DOK6: variants seen among roughly 807,000 people sequenced by gnomAD.
DOK6 encodes the protein downstream of tyrosine kinase 6.
Under a neutral mutation model 44.0 loss-of-function variants are expected in DOK6, and 22 were observed. The observed-to-expected ratio is 0.50, with a 90% CI of 0.36 to 0.71. The LOEUF (loss-of-function observed/expected upper bound fraction) is 0.71, where lower values mean the gene tolerates loss of function less well. Ranked by LOEUF, DOK6 falls within the 30% of genes least tolerant of loss-of-function variation. The pLI, the probability that DOK6 is intolerant of heterozygous loss-of-function variation, is 0.00. For synonymous variants in DOK6, 166 were observed against 145.5 expected (o/e 1.14, Z -1.01); for missense variants, 340 against 416.4 (o/e 0.82, Z 1.60).
chr18:69,792,188 T>C (rs1410085395), intron 7 of DOK6, among the ~76,000 whole-genome samples: 1 of 152,166 alleles, frequency 6.6e-6, no homozygotes, highest in African/African-American at 2.4e-5. Flanking sequence ...AGTAATGTGA[T>C]TCTTCCAGTT....
intron 7 of DOK6, 23 bp downstream of exon 7, chr18:69,757,896 A>G: frequency 1.9e-6 from 3 of 1,591,108 alleles, no homozygotes; most frequent in South Asian, 1.1e-5. Flanking sequence ...AATGTAAGAA[A>G]GCAGTGCCTC....
intron 1 of DOK6, among the ~76,000 whole-genome samples, chr18:69,463,813 G>A (rs1335006585): frequency 2.0e-5 from 3 of 151,814 alleles, no homozygotes; most frequent in Non-Finnish European, 2.9e-5. Flanking sequence ...ATGTGTGTCC[G>A]TGTGTGTGTG....
At chr18:69,603,490 T>C (rs114454687) in intron 3 of DOK6, among the ~76,000 whole-genome samples, 1,665 of 152,184 alleles carry the variant, frequency 0.011, 20 homozygotes, top group African/African-American at 0.038. Flanking sequence ...TATGGACATC[T>C]GCCGGGCGCT....
Position 69,721,868 on chromosome 18 carries a change from A to G in DOK6, c.600-17097A>G, listed in dbSNP as rs141364366. Among the ~76,000 whole-genome samples the G allele has an allele frequency of 3.2e-4, 49 of 152,358 alleles. No homozygotes were observed. In the East Asian group the frequency reaches 9.2e-3, roughly 29 times the overall value. On this transcript the variant is annotated intron_variant, in intron 5 of 7. Transcript: ENST00000382713. ...CTGTCTTTTTAAATAGAATGAAGCT[A>G]AAGGATCATTGAAAGTTTATTCTCC...
intron 5 of DOK6, among the ~76,000 whole-genome samples, chr18:69,731,807 G>C (rs768361623): frequency 2.6e-5 from 4 of 152,110 alleles, no homozygotes; most frequent in African/African-American, 9.7e-5. Flanking sequence ...TTAAATTCAC[G>C]TTAAAAGGAA....
At chr18:69,586,944 A>C (rs1983516567) in intron 2 of DOK6, among the ~76,000 whole-genome samples, 1 of 152,140 alleles carries the variant, frequency 6.6e-6, no homozygotes. Context: ...AAAAAAAGAA[A>C]AGCATATTTA....
At chr18:69,710,037 G>A (rs1308793593) in intron 5 of DOK6, among the ~76,000 whole-genome samples, 1 of 152,114 alleles carries the variant, frequency 6.6e-6, no homozygotes, top group East Asian at 1.9e-4. Flanking sequence ...AAATTGGCTG[G>A]GTGTGGTGGT....
At chr18:69,811,579 A>ATAT (rs1981239400) in intron 7 of DOK6, among the ~76,000 whole-genome samples, 3 of 11,028 alleles carry the variant, frequency 2.7e-4, no homozygotes, top group African/African-American at 4.6e-4. Context: ...TATATATATC[A>ATAT]AAACACTACG....
chr18:69,517,015 C>T (rs12457493), intron 1 of DOK6, among the ~76,000 whole-genome samples: 23,595 of 152,034 alleles, frequency 0.16, 2,337 homozygotes, highest in Non-Finnish European at 0.21. Context: ...CCTCTTTCTC[C>T]GTCTACAAGA....
At chr18:69,561,742 G>C (rs1472578100) in intron 1 of DOK6, among the ~76,000 whole-genome samples, 1 of 152,042 alleles carries the variant, frequency 6.6e-6, no homozygotes, top group South Asian at 2.1e-4. Flanking sequence ...TCCTGAAAAG[G>C]ATGTAAGAAA....
At chr18:69,639,674 G>A (rs954689676) in intron 3 of DOK6, among the ~76,000 whole-genome samples, 3 of 152,082 alleles carry the variant, frequency 2.0e-5, no homozygotes, top group African/African-American at 2.4e-5. Context: ...GCATGGCATC[G>A]AATTGTGTAG....
Position 69,677,806 on chromosome 18 carries a change from T to C in DOK6, c.362T>C (p.Leu121Pro). 6.2e-7 allele frequency: 1 copy of C among 1,613,822 alleles called. No individual in the cohort carries two copies. Residue 121 changes from leucine (L) to proline (P), a missense_variant, in exon 4 of 8, where the codon CTT (leucine) becomes CCT (proline). This residue lies in a region of DOK6 where 206 missense variants were observed against 258.6 expected (regional missense o/e 0.80). Transcript: ENST00000382713. Reference protein sequence around the residue: ...CLGTRLNDISLGEPDLLAAGV... With the variant: ...CLGTRLNDISPGEPDLLAAGV... The stretch of plus-strand genomic sequence containing the variant: ...GGGACCAGGCTCAATGATATCAGCC[T>C]TGGGGAGCCCGACCTTCTGGCCGCA...
chr18:69,759,621 A>C (rs1376449673), intron 7 of DOK6, among the ~76,000 whole-genome samples: 5 of 152,168 alleles, frequency 3.3e-5, no homozygotes, highest in African/African-American at 4.8e-5. Flanking sequence ...CTGATACACA[A>C]TTTCTGCAAT....
At chr18:69,799,772 A>G (rs986753704) in intron 7 of DOK6, among the ~76,000 whole-genome samples, 2 of 152,054 alleles carry the variant, frequency 1.3e-5, no homozygotes, top group Non-Finnish European at 2.9e-5. Flanking sequence ...CTGAGAATCA[A>G]TCAGTTTTAG....
At chr18:69,620,021 A>G (rs545453293) in intron 3 of DOK6, among the ~76,000 whole-genome samples, 1 of 152,288 alleles carries the variant, frequency 6.6e-6, no homozygotes, top group South Asian at 2.1e-4. Flanking sequence ...TTATTAAAAC[A>G]TACATAAACA....
intron 1 of DOK6, among the ~76,000 whole-genome samples, chr18:69,484,190 G>A (rs7237633): frequency 0.24 from 36,254 of 151,746 alleles, 4,755 homozygotes; most frequent in East Asian, 0.53. Flanking sequence ...TCTAAAATCC[G>A]AGACTGGCTG....
At chr18:69,748,414 A>C (rs1979060447) in intron 6 of DOK6, among the ~76,000 whole-genome samples, 1 of 152,066 alleles carries the variant, frequency 6.6e-6, no homozygotes, top group African/African-American at 2.4e-5. Context: ...CCAAAACAAC[A>C]AAATATGCAT....
intron 1 of DOK6, among the ~76,000 whole-genome samples, chr18:69,479,498 C>T (rs1271176223): frequency 3.9e-5 from 6 of 152,136 alleles, no homozygotes; most frequent in African/African-American, 1.2e-4. Context: ...AGGAATACAA[C>T]GTTTTCCTCA....
chr18:69,514,839 A>ATATAT (rs1555708947), intron 1 of DOK6, among the ~76,000 whole-genome samples: 1 of 121,230 alleles, frequency 8.2e-6, no homozygotes, highest in Admixed American at 8.6e-5. Context: ...CTCCATATAT[A>ATATAT]TTTTTTTTTT....
Sources: allele counts gnomAD v4.1 joint callset (sites outside exome capture counted in the v4.1 genomes callset), GRCh38; gene constraint gnomAD v4.1.1; regional missense constraint gnomAD v4.1.1; transcripts MANE v1.5; gene names NCBI Gene and HGNC (gene_info 2026-07-23, HGNC 2026-07-21).